SLC38A4: variants seen among roughly 807,000 people sequenced by gnomAD.
SLC38A4 encodes the protein solute carrier family 38 member 4, also known as sodium-coupled neutral amino acid transporter 4.
A neutral mutation model predicts 63.1 loss-of-function variants in SLC38A4; 20 were observed. That is an observed-to-expected ratio of 0.32 (90% CI 0.22 to 0.46). The LOEUF (loss-of-function observed/expected upper bound fraction) is 0.46. Ranked by LOEUF, SLC38A4 falls within the 20% of genes least tolerant of loss-of-function variation. SLC38A4 has a pLI of 1.00. For missense variants in SLC38A4, 526 were observed against 663.6 expected (o/e 0.79, Z 2.28); for synonymous variants, 230 against 225.5 (o/e 1.02, Z -0.18).
chr12:46,777,393 A>G (rs1168232746), intron 12 of SLC38A4, among the ~76,000 whole-genome samples: 1 of 151,978 alleles, frequency 6.6e-6, no homozygotes, highest in African/African-American at 2.4e-5. Flanking sequence ...GCAAAGTACT[A>G]CTGCCAGGAG....
chr12:46,784,931 C>T (rs1402410320), intron 6 of SLC38A4, among the ~76,000 whole-genome samples, 173 bp downstream of exon 6: 1 of 152,102 alleles, frequency 6.6e-6, no homozygotes, highest in African/African-American at 2.4e-5. Context: ...GACTTTCACT[C>T]CTGCCTCTCA....
rs1327679238 is a variant in SLC38A4, at chr12:46,778,365, C to A, written c.997G>T (p.Ala333Ser). The change falls in exon 12 of 17, where the codon GCC becomes TCC. Residue 333 changes from alanine (A) to serine (S), a missense_variant. Coordinates refer to ENST00000266579, the MANE Select transcript of SLC38A4 (RefSeq NM_018018.5). ...PKYFVFNSRT[A>S]YAIPILVFAF... ...AATACTAGGATAGGAATTGCATAGG[C>A]CGTCTGAAAAACAAAGACAACACCA... 6.2e-7 allele frequency: 1 copy of A among 1,612,582 alleles called. No individual in the cohort carries two copies. The highest frequency in any genetic ancestry group is 8.5e-7 in the Non-Finnish European group (1 of 1,179,124).
chr12:46,788,676 C>A, intron 3 of SLC38A4, 58 bp from the exon 4 acceptor site: 1 of 1,442,558 alleles, frequency 6.9e-7, no homozygotes, highest in South Asian at 1.2e-5. Flanking sequence ...TGCTCTGAAT[C>A]ATATGTATGT....
At chr12:46,826,937 A>G (rs1646166529), upstream of SLC38A4, among the ~76,000 whole-genome samples, 1 of 152,272 alleles carries the variant, frequency 6.6e-6, no homozygotes, top group South Asian at 2.1e-4. Flanking sequence ...AAAAACAGAA[A>G]GAAACATGTT....
intron 1 of SLC38A4, among the ~76,000 whole-genome samples, chr12:46,822,338 A>G (rs1939566973): frequency 6.6e-6 from 1 of 151,498 alleles, no homozygotes; most frequent in Non-Finnish European, 1.5e-5. Context: ...AGATGGGAAG[A>G]CTCCTTCTAT....
chr12:46,813,368 G>A (rs773154505), intron 1 of SLC38A4, among the ~76,000 whole-genome samples: 28 of 151,974 alleles, frequency 1.8e-4, no homozygotes, highest in Middle Eastern at 3.4e-3. Context: ...CTCTAAGTTC[G>A]TTATTGTTTT....
At chr12:46,810,369 T>TCACACAC (rs1939316144) in intron 1 of SLC38A4, among the ~76,000 whole-genome samples, 1 of 151,622 alleles carries the variant, frequency 6.6e-6, no homozygotes, top group Non-Finnish European at 1.5e-5. Flanking sequence ...GAGGGGAACA[T>TCACACAC]CACACACCGG....
chr12:46,827,779 C>T (rs986019085), upstream of SLC38A4, among the ~76,000 whole-genome samples: 1 of 151,560 alleles, frequency 6.6e-6, no homozygotes, highest in African/African-American at 2.4e-5. Context: ...TTTGGTTTTC[C>T]CTCAAATGGA....
At chr12:46,783,002 A>G (rs746822526) in intron 7 of SLC38A4, among the ~76,000 whole-genome samples, 13 of 111,558 alleles carry the variant, frequency 1.2e-4, no homozygotes, top group Admixed American at 3.2e-4. Flanking sequence ...AGACCAGGTG[A>G]GCAGAGTGAG....
intron 1 of SLC38A4, among the ~76,000 whole-genome samples, chr12:46,831,041 G>A (rs543190884): frequency 9.8e-5 from 15 of 152,296 alleles, no homozygotes; most frequent in Admixed American, 3.3e-4. Context: ...TCAGCAGCCC[G>A]GTGAGCATTC....
intron 16 of SLC38A4, 78 bp downstream of exon 16, chr12:46,768,232 A>C (rs1293703577): frequency 9.4e-6 from 10 of 1,062,896 alleles, no homozygotes; most frequent in Non-Finnish European, 1.2e-5. Context: ...CATTTTTCTG[A>C]ACTATGTGTA....
rs1938365292 is a variant in SLC38A4 at position 46,769,410 on chromosome 12, T to A, written c.1318A>T (p.Thr440Ser). Reference sequence around the variant, plus strand: ...AAGGGTCGTTTGGGAAATAACAGTGTGATCACTGATGTACGAATCTTAAAC... The same window carrying A: ...AAGGGTCGTTTGGGAAATAACAGTGAGATCACTGATGTACGAATCTTAAAC... ...VLFPIRTSVI[T>S]LLFPKRPFSW... The change falls in exon 15 of 17, where the codon ACA becomes TCA. Residue 440 changes from threonine (T) to serine (S), a missense_variant. Transcript: ENST00000266579. 1 of 1,613,156 alleles carries A rather than the reference T, an allele frequency of 6.2e-7. No individual in the cohort carries two copies. The highest frequency in any genetic ancestry group is 1.1e-5 in the South Asian group (1 of 91,022).
chr12:46,790,230 C>G (rs1378320788), intron 3 of SLC38A4, among the ~76,000 whole-genome samples: 1 of 152,000 alleles, frequency 6.6e-6, no homozygotes, highest in African/African-American at 2.4e-5. Flanking sequence ...GAATAGAAAA[C>G]AGTATGAGAT....
At chr12:46,784,694 T>G in intron 6 of SLC38A4, 60 bp from the exon 7 acceptor site, 1 of 1,323,050 alleles carries the variant, frequency 7.6e-7, no homozygotes, top group Non-Finnish European at 1.1e-6. Flanking sequence ...AAAATATTTT[T>G]GTCATATAAT....
intron 7 of SLC38A4, among the ~76,000 whole-genome samples, chr12:46,784,105 T>G (rs893154131): frequency 5.3e-5 from 8 of 152,192 alleles, no homozygotes; most frequent in African/African-American, 1.9e-4. Context: ...GCTGGCTCAG[T>G]GCAGGCTGCG....
At chr12:46,823,268 T>C (rs1365948883) in intron 1 of SLC38A4, among the ~76,000 whole-genome samples, 2 of 152,152 alleles carry the variant, frequency 1.3e-5, no homozygotes, top group Non-Finnish European at 2.9e-5. Flanking sequence ...CCCTCAAGTT[T>C]ATAGGATTAA....
chr12:46,808,499 G>T lies in SLC38A4; in HGVS notation c.-304-4705C>A, dbSNP rs148501532. 5.2e-3 allele frequency among the ~76,000 whole-genome samples: 744 copies of T among 143,918 alleles called. 17 individuals carry two copies. The highest frequency in any genetic ancestry group is 0.035 in the Admixed American group (499 of 14,142). 94.4% of individuals were successfully genotyped at this position (143,918 alleles called of 152,430 possible). ...AAATAGAAAATTGCTTTTAGCCTCA[G>T]CTGACAAAACAAGAAAATTAAATTA... On this transcript the variant is annotated intron_variant, in intron 1 of 16. Coordinates refer to ENST00000266579, the MANE Select transcript of SLC38A4 (RefSeq NM_018018.5).
At chr12:46,784,724 C>A in intron 6 of SLC38A4, 90 bp from the exon 7 acceptor site, 2 of 981,274 alleles carry the variant, frequency 2.0e-6, no homozygotes, top group Admixed American at 2.4e-5. Flanking sequence ...GAGTCTCAAA[C>A]ATGTAAATAA....
chr12:46,829,578 C>T (rs775669995), upstream of SLC38A4, among the ~76,000 whole-genome samples: 5 of 152,208 alleles, frequency 3.3e-5, no homozygotes, highest in East Asian at 1.9e-4. Flanking sequence ...GTCCTCACCA[C>T]GTTTGTGCTG....
Sources: allele counts gnomAD v4.1 joint callset (sites outside exome capture counted in the v4.1 genomes callset), GRCh38; gene constraint gnomAD v4.1.1; transcripts MANE v1.5; gene names NCBI Gene and HGNC (gene_info 2026-07-23, HGNC 2026-07-21).